Variants in ICE1 observed in about 807,000 individuals in gnomAD.
ICE1 encodes little elongation complex subunit 1.
A neutral mutation model predicts 192.7 loss-of-function variants in ICE1; 64 were observed. The ratio of observed to expected loss-of-function variants is 0.33; its 90% CI spans 0.27 to 0.41. The LOEUF (loss-of-function observed/expected upper bound fraction) is 0.41, where lower values mean the gene tolerates loss of function less well. ICE1 is among the 10% of genes least tolerant of loss of function. ICE1 has a pLI of 1.00. For missense variants in ICE1, 2,708 were observed against 2,696.0 expected, an observed-to-expected ratio of 1.00 and a Z score of -0.10; for synonymous variants, 1,010 against 984.5, an observed-to-expected ratio of 1.03 and a Z score of -0.49.
In ICE1 at chr5:5,468,864, C is replaced by A; in HGVS notation, c.6098C>A (p.Ala2033Glu). The change falls in exon 15 of 19, where the codon GCA becomes GAA. Residue 2033 changes from alanine (A) to glutamate (E), a missense_variant. Coordinates refer to ENST00000296564, the MANE Select transcript of ICE1 (RefSeq NM_015325.3). The part of the protein sequence containing the change: ...PESEKLTLFI[A>E]NMWHDIFLSQ... ...TCTGAAAAATTAACTTTGTTTATTG[C>A]AAACATGTGGCATGATATATTTCTC... The A allele has an allele frequency of 6.3e-7, 1 of 1,588,172 alleles. No homozygotes were observed. The highest frequency in any genetic ancestry group is 1.2e-5 in the South Asian group (1 of 85,112).
intron 18 of ICE1, 83 bp downstream of exon 18, chr5:5,486,902 C>CTT: frequency 1.1e-6 from 1 of 891,900 alleles, no homozygotes; most frequent in East Asian, 2.7e-5. Context: ...TTGCTGTGTG[C>CTT]TGTGCTCTGT....
chr5:5,440,032 T>C (rs1020098912), intron 4 of ICE1, 119 bp downstream of exon 4: 3 of 539,474 alleles, frequency 5.6e-6, no homozygotes, highest in Admixed American at 4.1e-5. Flanking sequence ...GGATTACTCA[T>C]AATATAGAAT....
Position 5,422,902 on chromosome 5 carries a change from C to CCGG in ICE1, c.-6_-4dup, listed in dbSNP as rs1561067268. 1 of 1,381,610 alleles carries CCGG rather than the reference C, an allele frequency of 7.2e-7. No individual in the cohort carries two copies. The highest frequency in any genetic ancestry group is 3.0e-5 in the Admixed American group (1 of 33,826). 85.6% of individuals were successfully genotyped at this position (1,381,610 alleles called of 1,614,324 possible). On this transcript the variant is annotated 5_prime_UTR_variant, in exon 1 of 19. Transcript: ENST00000296564. ...CCTGAGGCGTGCGTGCCCACCGGGC[C>CCGG]CGGCGGCGGCACCATGATGCCGGGC...
intron 18 of ICE1, 49 bp downstream of exon 18, chr5:5,486,868 A>G (rs2111409231): frequency 1.4e-6 from 2 of 1,398,960 alleles, no homozygotes; most frequent in African/African-American, 1.4e-5. Flanking sequence ...TGTGTTTCTC[A>G]TAGTTAAACC....
At chr5:5,487,820 T>G (rs1187979035) in intron 18 of ICE1, among the ~76,000 whole-genome samples, 1 of 152,194 alleles carries the variant, frequency 6.6e-6, no homozygotes, top group East Asian at 1.9e-4. Flanking sequence ...TGGGGCCTGC[T>G]ATAGATTAGA....
At chr5:5,423,151 C>G (rs967082217) in intron 1 of ICE1, among the ~76,000 whole-genome samples, 152 bp downstream of exon 1, 1 of 152,158 alleles carries the variant, frequency 6.6e-6, no homozygotes, top group South Asian at 2.1e-4. Flanking sequence ...TCTCTGCTCT[C>G]TTTTTCCTAC....
chr5:5,437,951 A>G (rs1205601715), intron 3 of ICE1: 2 of 152,226 alleles, frequency 1.3e-5, no homozygotes, highest in Non-Finnish European at 1.5e-5. Flanking sequence ...CTGAACTTAC[A>G]TGTCATCATC....
chr5:5,468,826 A>G lies in ICE1; in HGVS notation c.6062-2A>G. 6.4e-7 allele frequency: 1 copy of G among 1,553,788 alleles called. No individual in the cohort carries two copies. The highest frequency in any genetic ancestry group is 8.7e-7 in the Non-Finnish European group (1 of 1,144,502). ...GTTATTGTATTATTTTATTTCTGAT[A>G]GATTTTCCGGAGTCTGAAAAATTAA... On this transcript the variant is annotated splice_acceptor_variant, in intron 14 of 18. Coordinates refer to ENST00000296564, the MANE Select transcript of ICE1 (RefSeq NM_015325.3). LOFTEE classifies it high-confidence loss of function.
chr5:5,471,595 T>C (rs1281538099), intron 15 of ICE1, among the ~76,000 whole-genome samples: 1 of 152,076 alleles, frequency 6.6e-6, no homozygotes, highest in Non-Finnish European at 1.5e-5. Flanking sequence ...TATAACTAAA[T>C]AGAGTTTATC....
At chr5:5,471,521 T>A (rs1293135959) in intron 15 of ICE1, among the ~76,000 whole-genome samples, 1 of 152,086 alleles carries the variant, frequency 6.6e-6, no homozygotes, top group Non-Finnish European at 1.5e-5. Flanking sequence ...TTTTAGTGAG[T>A]CACTTAGATG....
intron 17 of ICE1, among the ~76,000 whole-genome samples, chr5:5,480,043 C>T (rs1739452093): frequency 6.6e-6 from 1 of 152,038 alleles, no homozygotes; most frequent in Non-Finnish European, 1.5e-5. Flanking sequence ...ACATGTATAC[C>T]TATGTAACAA....
At chr5:5,438,384 C>A (rs1009444070) in intron 3 of ICE1, among the ~76,000 whole-genome samples, 1 of 152,100 alleles carries the variant, frequency 6.6e-6, no homozygotes, top group African/African-American at 2.4e-5. Context: ...CTGTGAAAAT[C>A]GTAAAATTAA....
intron 17 of ICE1, among the ~76,000 whole-genome samples, chr5:5,479,900 T>G (rs1051051170): frequency 1.1e-4 from 16 of 150,844 alleles, no homozygotes; most frequent in Non-Finnish European, 4.4e-5. Context: ...TGAGAACACA[T>G]GGACACAGGG....
chr5:5,471,049 G>GT (rs1739143603), intron 15 of ICE1, among the ~76,000 whole-genome samples: 1 of 152,160 alleles, frequency 6.6e-6, no homozygotes, highest in Admixed American at 6.5e-5. Context: ...TTAAGAGATA[G>GT]TAGTAACTAA....
intron 1 of ICE1, among the ~76,000 whole-genome samples, chr5:5,435,726 A>C (rs1290354156): frequency 5.7e-5 from 8 of 140,212 alleles, no homozygotes; most frequent in African/African-American, 2.2e-4. Flanking sequence ...CTGGAGTGCA[A>C]TGGCACGATC....
At chr5:5,476,215 A>C in intron 17 of ICE1, 136 bp downstream of exon 17, 1 of 524,578 alleles carries the variant, frequency 1.9e-6, no homozygotes, top group Non-Finnish European at 3.3e-6. Flanking sequence ...ATACTTTTGT[A>C]CTTAAGTCAT....
At chr5:5,472,097 G>C (rs1739170675) in intron 15 of ICE1, among the ~76,000 whole-genome samples, 1 of 152,154 alleles carries the variant, frequency 6.6e-6, no homozygotes, top group Admixed American at 6.5e-5. Context: ...GTATTTAACA[G>C]ATTCACATTT....
intron 5 of ICE1, among the ~76,000 whole-genome samples, chr5:5,442,000 A>G (rs1579546332): frequency 6.6e-6 from 1 of 152,134 alleles, no homozygotes; most frequent in Non-Finnish European, 1.5e-5. Context: ...GCTGAGATGG[A>G]GCATTGGGAG....
At chr5:5,469,635 C>T (rs1017802719) in intron 15 of ICE1, among the ~76,000 whole-genome samples, 1 of 152,222 alleles carries the variant, frequency 6.6e-6, no homozygotes, top group African/African-American at 2.4e-5. Context: ...ATTTCCTCTT[C>T]TAAAAACTCC....
Sources: allele counts gnomAD v4.1 joint callset (sites outside exome capture counted in the v4.1 genomes callset), GRCh38; gene constraint gnomAD v4.1.1; transcripts MANE v1.5; gene names NCBI Gene and HGNC (gene_info 2026-07-23, HGNC 2026-07-21).